Variants in TRHDE observed in about 807,000 individuals in gnomAD.
TRHDE encodes the protein thyrotropin-releasing hormone-degrading ectoenzyme.
In TRHDE, 72 loss-of-function variants were observed where a neutral mutation model predicts 125.7. That is an observed-to-expected ratio of 0.57 (90% CI 0.47 to 0.70). TRHDE has a LOEUF of 0.70. Among genes scored for constraint, TRHDE ranks in the 30% least tolerant of loss-of-function variants. The probability of loss-of-function intolerance (pLI) is 0.00; values close to 1 mark genes in which losing one functional copy is unlikely to be tolerated. For synonymous variants in TRHDE, 509 were observed against 509.1 expected, an observed-to-expected ratio of 1.00 and a Z score of 0.00; for missense variants, 1,110 against 1,327.1, an observed-to-expected ratio of 0.84 and a Z score of 2.54.
At chr12:72,198,839 C>T (rs1325426756) in intron 2 of TRHDE, among the ~76,000 whole-genome samples, 1 of 152,052 alleles carries the variant, frequency 6.6e-6, no homozygotes, top group Non-Finnish European at 1.5e-5. Context: ...GTTTAATTGA[C>T]TCACAGTTCT....
Position 72,159,807 on chromosome 12 carries a change from T to A in TRHDE, n.279+54055T>A, listed in dbSNP as rs1464519239. Among the ~76,000 whole-genome samples, 4 of 152,190 alleles carry A rather than the reference T, an allele frequency of 2.6e-5. No individual in the cohort carries two copies. In the East Asian group the frequency reaches 7.7e-4, roughly 29 times the overall value. On this transcript the variant is annotated intron_variant and non_coding_transcript_variant, in intron 2 of 4. Coordinates refer to the TRHDE transcript ENST00000548156. ...TTTGTTTTCTCTGTCTTTTCTCTGCTTTTCACTGCTGCAAATACTATGTTA... is the reference window on the plus strand; with the variant it reads ...TTTGTTTTCTCTGTCTTTTCTCTGCATTTCACTGCTGCAAATACTATGTTA...
chr12:72,126,882 C>T (rs144553825), intron 2 of TRHDE, among the ~76,000 whole-genome samples: 1 of 151,986 alleles, frequency 6.6e-6, no homozygotes, highest in Non-Finnish European at 1.5e-5. Flanking sequence ...TTCTGCACAG[C>T]CAAAGAAACG....
At chr12:72,520,134 G>A (rs1009057550) in intron 6 of TRHDE, among the ~76,000 whole-genome samples, 3 of 152,208 alleles carry the variant, frequency 2.0e-5, no homozygotes, top group African/African-American at 7.2e-5. Context: ...GCCTACAGAG[G>A]CAGGCAGGCC....
intron 2 of TRHDE, among the ~76,000 whole-genome samples, chr12:72,145,559 G>C (rs1876208284): frequency 6.6e-6 from 1 of 152,122 alleles, no homozygotes. Flanking sequence ...CTAGTACCTG[G>C]CTGGATTCTA....
chr12:72,279,192 T>A (rs923788435), intron 1 of TRHDE, among the ~76,000 whole-genome samples: 9 of 152,228 alleles, frequency 5.9e-5, no homozygotes, highest in African/African-American at 2.2e-4. Context: ...TTAGGTGTGC[T>A]TGAGGGTGGT....
chr12:72,620,735 A>T (rs1873018406), intron 13 of TRHDE, among the ~76,000 whole-genome samples: 1 of 152,168 alleles, frequency 6.6e-6, no homozygotes, highest in Non-Finnish European at 1.5e-5. Context: ...ATGCGTAAAT[A>T]TTAGATGTCC....
chr12:72,113,190 T>C (rs111765605), intron 2 of TRHDE, among the ~76,000 whole-genome samples: 1 of 151,962 alleles, frequency 6.6e-6, no homozygotes, highest in African/African-American at 2.4e-5. Flanking sequence ...GCTAAATTTT[T>C]TTTTTCTTTG....
At chr12:72,595,650 T>C (rs1489538354) in intron 12 of TRHDE, among the ~76,000 whole-genome samples, 2 of 152,196 alleles carry the variant, frequency 1.3e-5, no homozygotes, top group Non-Finnish European at 2.9e-5. Context: ...TGGAATTAAG[T>C]ATGAACATAG....
intron 6 of TRHDE, among the ~76,000 whole-genome samples, chr12:72,541,318 T>C (rs1869137581): frequency 6.6e-6 from 1 of 151,594 alleles, no homozygotes. Flanking sequence ...TTATTTATAT[T>C]TTACATGAAG....
intron 7 of TRHDE, among the ~76,000 whole-genome samples, chr12:72,552,676 C>G (rs1869733434): frequency 6.6e-6 from 1 of 151,866 alleles, no homozygotes; most frequent in South Asian, 2.1e-4. Flanking sequence ...CTTTTGGTAG[C>G]CTGTAAATTC....
intron 2 of TRHDE, among the ~76,000 whole-genome samples, chr12:72,374,292 AGTGTGTGTGTGTGTGTGTGTGT>A (rs148577049): frequency 1.5e-5 from 2 of 134,018 alleles, no homozygotes; most frequent in Non-Finnish European, 3.2e-5. Flanking sequence ...TAGAAGGAGA[AGTGTGTGTGTGTGTGTGTGTGT>A]GTGTGTGTGT....
At chr12:72,253,727 G>C (rs763885135) in intron 2 of TRHDE, 4 of 152,124 alleles carry the variant, frequency 2.6e-5, no homozygotes, top group Non-Finnish European at 4.4e-5. Context: ...TCCCTAACTT[G>C]CTGAGAGTTT....
chr12:72,243,132 A>G (rs1435996673), intron 2 of TRHDE, among the ~76,000 whole-genome samples: 1 of 152,222 alleles, frequency 6.6e-6, no homozygotes, highest in Non-Finnish European at 1.5e-5. Flanking sequence ...GAATAAAAAC[A>G]TGAAAAGAAC....
chr12:72,358,347 C>G (rs1405990071), intron 2 of TRHDE, among the ~76,000 whole-genome samples: 1 of 151,540 alleles, frequency 6.6e-6, no homozygotes, highest in Non-Finnish European at 1.5e-5. Flanking sequence ...TATGAAAGAC[C>G]TTTATGATGA....
chr12:72,643,366 A>G (rs543320767), intron 15 of TRHDE, among the ~76,000 whole-genome samples: 36 of 152,316 alleles, frequency 2.4e-4, no homozygotes, highest in Admixed American at 1.3e-3. Context: ...ATCAAATTTG[A>G]TATCTCTGCT....
At chr12:72,413,464 GTAAAA>G (rs10546200) in intron 3 of TRHDE, among the ~76,000 whole-genome samples, 52,524 of 151,024 alleles carry the variant, frequency 0.35, 13,301 homozygotes, top group African/African-American at 0.7. Flanking sequence ...GATTATATAT[GTAAAA>G]TAAAATGATA....
chr12:72,360,529 A>G (rs1177805253), intron 2 of TRHDE, among the ~76,000 whole-genome samples: 2 of 151,810 alleles, frequency 1.3e-5, no homozygotes, highest in East Asian at 3.9e-4. Context: ...GCAAATTACA[A>G]CTAACCGTGG....
At chr12:72,172,753 C>T (rs1251361506) in intron 2 of TRHDE, among the ~76,000 whole-genome samples, 2 of 152,298 alleles carry the variant, frequency 1.3e-5, no homozygotes, top group East Asian at 3.9e-4. Flanking sequence ...AAAGATGCTT[C>T]ATGAGAAGTT....
At chr12:72,101,574 G>C (rs553603907) in intron 1 of TRHDE, among the ~76,000 whole-genome samples, 1 of 152,190 alleles carries the variant, frequency 6.6e-6, no homozygotes, top group Non-Finnish European at 1.5e-5. Context: ...TATGAATGCT[G>C]TATCTTTCCA....
Sources: allele counts gnomAD v4.1 joint callset (sites outside exome capture counted in the v4.1 genomes callset), GRCh38; gene constraint gnomAD v4.1.1; transcripts MANE v1.5; gene names NCBI Gene and HGNC (gene_info 2026-07-23, HGNC 2026-07-21).